The following SLIT2 variants were observed in gnomAD, a reference collection of about 807,000 sequenced individuals.
SLIT2 encodes the protein slit guidance ligand 2, also known as slit homolog 2 protein.
Under a neutral mutation model 185.7 loss-of-function variants are expected in SLIT2, and 41 were observed. The observed-to-expected ratio is 0.22, with a 90% CI of 0.17 to 0.29. The LOEUF is 0.29. SLIT2 is among the 10% of genes least tolerant of loss of function. The pLI, the probability that SLIT2 is intolerant of heterozygous loss-of-function variation, is 1.00. For synonymous variants in SLIT2, 693 were observed against 680.2 expected (o/e 1.02, Z -0.29); for missense variants, 1,571 against 1,909.0 (o/e 0.82, Z 3.30).
At chr4:20,508,641 A>C (rs1303575245) in intron 9 of SLIT2, among the ~76,000 whole-genome samples, 1 of 152,116 alleles carries the variant, frequency 6.6e-6, no homozygotes, top group Non-Finnish European at 1.5e-5. Flanking sequence ...ATAAATATGC[A>C]TAAATAAATA....
At position 20,343,555 on chromosome 4, in the gene SLIT2, G is replaced by C. The variant is rs1055490360; in HGVS notation, c.395+74674G>C. Among the ~76,000 whole-genome samples, 6 of 151,958 alleles carry C rather than the reference G, an allele frequency of 3.9e-5. No individual in the cohort carries two copies. In the South Asian group the frequency reaches 1.0e-3, roughly 26 times the overall value. On this transcript the variant is annotated intron_variant, in intron 4 of 36. Transcript: ENST00000504154. ...CTCACTCTGTCACCCAGGCTGGAGG[G>C]CACCGACAGCATCACGGCTCACAGC...
At chr4:20,486,012 G>A (rs540646539) in intron 6 of SLIT2, among the ~76,000 whole-genome samples, 188 bp from the exon 7 acceptor site, 7 of 152,182 alleles carry the variant, frequency 4.6e-5, no homozygotes, top group East Asian at 3.9e-4. Flanking sequence ...AAAACAAAAT[G>A]TACAGTAATA....
chr4:20,421,438 CTCT>C lies in SLIT2; in HGVS notation c.396-46308_396-46306del, dbSNP rs1728169201. On this transcript the variant is annotated intron_variant, in intron 4 of 36. Coordinates refer to ENST00000504154, the MANE Select transcript of SLIT2 (RefSeq NM_004787.4). The stretch of plus-strand genomic sequence containing the variant: ...CTCTGTCCCTCCCTTCACCATATGT[CTCT>C]TCTTCATTGTTGATTTCCTGTTGAC... Among the ~76,000 whole-genome samples, 10 of 152,230 alleles carry C rather than the reference CTCT, an allele frequency of 6.6e-5. No individual in the cohort carries two copies. In the South Asian group the frequency reaches 2.1e-3, roughly 32 times the overall value.
intron 6 of SLIT2, 42 bp downstream of exon 6, chr4:20,480,829 G>T (rs538772898): frequency 1.4e-6 from 2 of 1,439,012 alleles, no homozygotes; most frequent in African/African-American, 1.4e-5. Flanking sequence ...CGGGGGCTTT[G>T]TGTCTGGACA....
chr4:20,606,603 T>G (rs1380012833), intron 33 of SLIT2, among the ~76,000 whole-genome samples: 2 of 152,202 alleles, frequency 1.3e-5, no homozygotes. Context: ...ATAAGTCTTG[T>G]GGAAGTTCTG....
chr4:20,476,437 T>C (rs1271519373), intron 5 of SLIT2, among the ~76,000 whole-genome samples: 1 of 152,116 alleles, frequency 6.6e-6, no homozygotes, highest in Non-Finnish European at 1.5e-5. Flanking sequence ...ATAATAATAA[T>C]ACGAACATAA....
chr4:20,472,320 A>ATAGATC (rs1715261377), intron 5 of SLIT2, among the ~76,000 whole-genome samples: 1 of 53,940 alleles, frequency 1.9e-5, no homozygotes, highest in Non-Finnish European at 3.5e-5. Flanking sequence ...ATATAGATAT[A>ATAGATC]TATATCTATA....
chr4:20,587,402 A>T (rs1302747735), intron 29 of SLIT2, among the ~76,000 whole-genome samples: 1 of 152,334 alleles, frequency 6.6e-6, no homozygotes, highest in East Asian at 1.9e-4. Flanking sequence ...GAAGTACCAT[A>T]TACAATCTCA....
chr4:20,519,441 C>A lies in SLIT2; in HGVS notation c.1118C>A (p.Ser373Tyr). ...AAAAGTTTATTTGAAGGACTGTTTT[C>A]CTTACAGCTCCTGTAAGTATTTGAT... is the stretch of plus-strand genomic sequence containing the variant. ...LPKSLFEGLF[S>Y]LQLLLLNANK... Residue 373 changes from serine to tyrosine, a missense_variant, in exon 12 of 37, where the codon TCC (serine) becomes TAC (tyrosine). This residue lies in a region of SLIT2 where 1,202 missense variants were observed against 1,416.4 expected (regional missense o/e 0.85). Transcript: ENST00000504154. The A allele has an allele frequency of 6.4e-7, 1 of 1,564,336 alleles. No individual in the cohort carries two copies. Among genetic ancestry groups the A allele is most frequent in the Non-Finnish European group, 8.8e-7 (1 of 1,135,646 alleles).
chr4:20,535,129 T>C (rs531459462), intron 18 of SLIT2, among the ~76,000 whole-genome samples: 1 of 151,926 alleles, frequency 6.6e-6, no homozygotes, highest in African/African-American at 2.4e-5. Context: ...TGACATCCGG[T>C]CTCTACTACA....
At chr4:20,358,901 A>ACAT (rs1282128533) in intron 4 of SLIT2, among the ~76,000 whole-genome samples, 1 of 152,166 alleles carries the variant, frequency 6.6e-6, no homozygotes, top group East Asian at 1.9e-4. Context: ...TGAAACAACA[A>ACAT]CAACATCAAC....
chr4:20,601,815 G>C (rs1470623557), intron 33 of SLIT2, among the ~76,000 whole-genome samples: 2 of 152,038 alleles, frequency 1.3e-5, no homozygotes, highest in Non-Finnish European at 2.9e-5. Context: ...TTCAAATTTT[G>C]ATTTGTTTCC....
chr4:20,504,154 A>G (rs1309914006), intron 9 of SLIT2, among the ~76,000 whole-genome samples: 1 of 152,178 alleles, frequency 6.6e-6, no homozygotes, highest in Non-Finnish European at 1.5e-5. Context: ...AGGCAAGATA[A>G]TCCTTAACAT....
intron 3 of SLIT2, among the ~76,000 whole-genome samples, chr4:20,262,731 A>G (rs897337990): frequency 2.0e-5 from 3 of 151,874 alleles, no homozygotes; most frequent in Admixed American, 2.0e-4. Context: ...TATGCCAATG[A>G]TGTTCACCTA....
intron 4 of SLIT2, among the ~76,000 whole-genome samples, chr4:20,420,500 C>T (rs1560408492): frequency 1.3e-5 from 2 of 152,070 alleles, no homozygotes; most frequent in Non-Finnish European, 2.9e-5. Flanking sequence ...ATTTATTTAA[C>T]CAATATTAGG....
chr4:20,369,530 G>C (rs368784077), intron 4 of SLIT2, among the ~76,000 whole-genome samples: 1 of 152,142 alleles, frequency 6.6e-6, no homozygotes, highest in African/African-American at 2.4e-5. Flanking sequence ...TTACTCTCAG[G>C]CCCCTTACGG....
intron 29 of SLIT2, among the ~76,000 whole-genome samples, chr4:20,577,004 A>G (rs923674215): frequency 7.9e-5 from 12 of 151,702 alleles, no homozygotes; most frequent in Admixed American, 5.3e-4. Context: ...TTAAAAATAT[A>G]CCAGATGCTT....
chr4:20,472,302 AGATC>A (rs1465362263), intron 5 of SLIT2, among the ~76,000 whole-genome samples: 1 of 10,640 alleles, frequency 9.4e-5, no homozygotes, highest in Non-Finnish European at 1.4e-4. Context: ...ATAGATATAT[AGATC>A]TATATATAGA....
chr4:20,317,045 A>G (rs559604997), intron 4 of SLIT2, among the ~76,000 whole-genome samples: 2 of 151,940 alleles, frequency 1.3e-5, no homozygotes, highest in East Asian at 3.9e-4. Flanking sequence ...AAGATTAAAA[A>G]AAAAAAAGTA....
Sources: allele counts gnomAD v4.1 joint callset (sites outside exome capture counted in the v4.1 genomes callset), GRCh38; gene constraint gnomAD v4.1.1; regional missense constraint gnomAD v4.1.1; transcripts MANE v1.5; gene names NCBI Gene and HGNC (gene_info 2026-07-23, HGNC 2026-07-21).